Variants in SP140 observed in about 807,000 individuals in gnomAD.
SP140 encodes the protein nuclear body protein SP140.
A neutral mutation model predicts 125.0 loss-of-function variants in SP140; 81 were observed. The ratio of observed to expected loss-of-function variants is 0.65; its 90% CI spans 0.54 to 0.78. SP140 has a LOEUF of 0.78. Ranked by LOEUF, SP140 falls within the 30% of genes least tolerant of loss-of-function variation. The pLI is 0.00. For missense variants in SP140, 858 were observed against 1,037.0 expected (o/e 0.83, Z 2.37); for synonymous variants, 312 against 354.0 (o/e 0.88, Z 1.33).
At chr2:230,244,458 A>G (rs2049133318) in intron 5 of SP140, among the ~76,000 whole-genome samples, 1 of 152,220 alleles carries the variant, frequency 6.6e-6, no homozygotes, top group African/African-American at 2.4e-5. Flanking sequence ...AGCCAGGGTC[A>G]TGGATTGGAG....
At position 230,255,510 on chromosome 2, in the gene SP140, C is replaced by A. The variant is rs752159490; in HGVS notation, c.1218C>A (p.Ser406Arg). 5.0e-6 allele frequency: 8 copies of A among 1,610,144 alleles called. No homozygotes were observed. The highest frequency in any genetic ancestry group is 1.8e-4 in the Middle Eastern group (1 of 5,492). ...GAGAAGAGCGCCAGGAAGCCTCTAG[C>A]TCCCTAGCAAGACGTGGGTCAGGTA... ...CDGEERQEAS[S>R]SLARRGSVSS... is the part of the protein sequence containing the mutation. The change falls in exon 12 of 27, where the codon AGC becomes AGA. Residue 406 changes from serine (S) to arginine (R), a missense_variant. Around this residue, in one of 4 missense-constraint regions of SP140, gnomAD observed 791 missense variants for 869.5 expected, o/e 0.91. Coordinates refer to ENST00000392045, the MANE Select transcript of SP140 (RefSeq NM_007237.5).
intron 1 of SP140, chr2:230,213,133 A>T (rs2044677711): frequency 1.8e-6 from 2 of 1,092,424 alleles, no homozygotes; most frequent in Middle Eastern, 2.5e-4. Flanking sequence ...GCATGGAGCT[A>T]TTCATTGTCC....
intron 3 of SP140, chr2:230,219,958 T>A (rs765857001): frequency 2.0e-6 from 2 of 985,476 alleles, no homozygotes; most frequent in Non-Finnish European, 2.4e-6. Flanking sequence ...TACAGGGAGA[T>A]GCTAGCAGGC....
chr2:230,304,404 T>G (rs1348204307), intron 22 of SP140, among the ~76,000 whole-genome samples: 20 of 151,978 alleles, frequency 1.3e-4, no homozygotes, highest in Non-Finnish European at 1.0e-4. Flanking sequence ...AAAAAACAAT[T>G]CTAAAATTCA....
At position 230,297,523 on chromosome 2, in the gene SP140, T is replaced by G. The variant is rs2057857082; in HGVS notation, c.2058+61T>G. The G allele has an allele frequency of 5.1e-6, 8 of 1,578,664 alleles. No individual in the cohort carries two copies. The South Asian group carries it at 8.9e-5, about 18-fold the overall frequency. On this transcript the variant is annotated intron_variant, in intron 22 of 26. Coordinates refer to ENST00000392045, the MANE Select transcript of SP140 (RefSeq NM_007237.5). Reference sequence around the variant, plus strand: ...TTCCACTCCTTTCTCCAGGCATATGTTCTGTGTCATGACTGCTGTTGCCTG... The same window carrying G: ...TTCCACTCCTTTCTCCAGGCATATGGTCTGTGTCATGACTGCTGTTGCCTG...
At chr2:230,297,361 A>G in intron 21 of SP140, 60 bp from the exon 22 acceptor site, 2 of 1,562,700 alleles carry the variant, frequency 1.3e-6, no homozygotes, top group Admixed American at 3.5e-5. Context: ...AATTTAAATA[A>G]GTGATAGATG....
chr2:230,301,039 G>A (rs1257688441), intron 22 of SP140, among the ~76,000 whole-genome samples: 3 of 152,156 alleles, frequency 2.0e-5, no homozygotes, highest in Non-Finnish European at 4.4e-5. Flanking sequence ...ACTAGAACAA[G>A]TAGAAGAATG....
At chr2:230,257,880 G>A (rs938873490) in intron 12 of SP140, among the ~76,000 whole-genome samples, 5 of 152,070 alleles carry the variant, frequency 3.3e-5, no homozygotes, top group African/African-American at 7.2e-5. Context: ...AACAGAGAAC[G>A]TTTGTGGAAG....
chr2:230,268,335 C>T (rs903199731), intron 12 of SP140, among the ~76,000 whole-genome samples: 1 of 151,916 alleles, frequency 6.6e-6, no homozygotes, highest in African/African-American at 2.4e-5. Context: ...ACCAGCCTGG[C>T]CAACATGGAG....
chr2:230,233,261 T>G (rs2047508504), intron 1 of SP140, among the ~76,000 whole-genome samples: 1 of 152,170 alleles, frequency 6.6e-6, no homozygotes, highest in South Asian at 2.1e-4. Context: ...ACTATATCAT[T>G]TGAATTTGTA....
chr2:230,306,161 G>A (rs1309762480), intron 22 of SP140, among the ~76,000 whole-genome samples: 1 of 152,188 alleles, frequency 6.6e-6, no homozygotes, highest in Admixed American at 6.5e-5. Context: ...CCTGAGGCAG[G>A]GACCCTCACC....
upstream of SP140, among the ~76,000 whole-genome samples, chr2:230,221,235 C>T (rs559927986): frequency 2.2e-4 from 33 of 149,710 alleles, no homozygotes; most frequent in African/African-American, 7.6e-4. Flanking sequence ...GAGCCGAGAT[C>T]GCACCACTGC....
At chr2:230,296,500 C>A (rs188278280) in intron 21 of SP140, among the ~76,000 whole-genome samples, 68 of 152,318 alleles carry the variant, frequency 4.5e-4, no homozygotes, top group African/African-American at 1.4e-3. Context: ...AGTGGGTTAC[C>A]TCTTAAAAGT....
intron 18 of SP140, among the ~76,000 whole-genome samples, chr2:230,288,577 C>T (rs1251816700): frequency 1.3e-5 from 2 of 150,570 alleles, no homozygotes; most frequent in Non-Finnish European, 2.9e-5. Flanking sequence ...GTTCTACAAC[C>T]CATCATCTAC....
At chr2:230,223,930 C>A (rs979652900), upstream of SP140, among the ~76,000 whole-genome samples, 8 of 152,196 alleles carry the variant, frequency 5.3e-5, no homozygotes, top group African/African-American at 1.7e-4. Flanking sequence ...CAGGCCGGAG[C>A]CTTCTGACTC....
At chr2:230,276,547 A>G (rs2054738137) in intron 15 of SP140, among the ~76,000 whole-genome samples, 1 of 152,212 alleles carries the variant, frequency 6.6e-6, no homozygotes, top group Non-Finnish European at 1.5e-5. Flanking sequence ...GGAGATGTAC[A>G]AGGTGATTAG....
At chr2:230,196,543 TAA>T in the SP140 span, among the ~76,000 whole-genome samples, 2 of 151,838 alleles carry the variant, frequency 1.3e-5, no homozygotes, top group Admixed American at 6.6e-5. Context: ...TTCTTTTTTT[TAA>T]AATTTTATTA....
chr2:230,203,890 G>A (rs969529375), intron 1 of SP140, among the ~76,000 whole-genome samples: 47 of 152,134 alleles, frequency 3.1e-4, no homozygotes, highest in African/African-American at 1.1e-3. Context: ...AGTTTTACAA[G>A]ATAAAAGAGT....
At chr2:230,253,156 G>A (rs114326047) in intron 10 of SP140, among the ~76,000 whole-genome samples, 160 bp from the exon 11 acceptor site, 2,123 of 152,218 alleles carry the variant, frequency 0.014, 28 homozygotes, top group Middle Eastern at 0.027. Context: ...GAGGCAGAAC[G>A]GTGAGGAGGA....
Sources: gnomAD v4.1 joint callset for allele counts (sites outside exome capture counted in the v4.1 genomes callset) on GRCh38, gnomAD v4.1.1 for gene constraint, gnomAD v4.1.1 regional missense constraint, MANE v1.5 for transcripts, NCBI Gene and HGNC (gene_info 2026-07-23, HGNC 2026-07-21) for gene names.